Variants in MECOM observed in about 807,000 individuals in gnomAD.
The protein encoded by MECOM is MDS1 and EVI1 complex locus.
Under a neutral mutation model 116.3 loss-of-function variants are expected in MECOM, and 13 were observed. The observed-to-expected ratio is 0.11, with a 90% CI of 0.07 to 0.18. MECOM has a LOEUF of 0.18. MECOM is among the 10% of genes least tolerant of loss of function. The pLI is 1.00. For missense variants in MECOM, 1,299 were observed against 1,509.0 expected, an observed-to-expected ratio of 0.86 and a Z score of 2.31; for synonymous variants, 528 against 535.2, an observed-to-expected ratio of 0.99 and a Z score of 0.19.
intron 1 of MECOM, among the ~76,000 whole-genome samples, chr3:169,435,163 A>G (rs1046824380): frequency 1.2e-4 from 18 of 152,248 alleles, no homozygotes; most frequent in Admixed American, 1.3e-4. Context: ...TTCTATATCT[A>G]GAAAAAATAC....
At chr3:169,522,625 T>C (rs529032491) in intron 1 of MECOM, among the ~76,000 whole-genome samples, 8 of 152,336 alleles carry the variant, frequency 5.3e-5, no homozygotes, top group Admixed American at 4.6e-4. Context: ...TCCAGGTATA[T>C]TAGTCCTGGG....
chr3:169,247,740 TC>T (rs1298432821), intron 2 of MECOM, among the ~76,000 whole-genome samples: 3 of 152,248 alleles, frequency 2.0e-5, no homozygotes, highest in African/African-American at 7.2e-5. Context: ...TACATGCTTA[TC>T]CCACAATCCC....
intron 1 of MECOM, among the ~76,000 whole-genome samples, chr3:169,425,659 A>T (rs1386996128): frequency 6.6e-6 from 1 of 152,202 alleles, no homozygotes; most frequent in Non-Finnish European, 1.5e-5. Context: ...TTGGTCAAAC[A>T]GTAAGCGATA....
At chr3:169,475,086 G>A (rs1250231134) in intron 1 of MECOM, among the ~76,000 whole-genome samples, 3 of 149,090 alleles carry the variant, frequency 2.0e-5, no homozygotes, top group East Asian at 2.0e-4. Context: ...AACACAGCAC[G>A]TAAACAATCA....
intron 2 of MECOM, among the ~76,000 whole-genome samples, chr3:169,298,504 C>A (rs1290232149): frequency 1.3e-5 from 2 of 151,502 alleles, no homozygotes; most frequent in African/African-American, 4.9e-5. Flanking sequence ...ATACATATCT[C>A]CTTATACTAT....
At chr3:169,607,028 G>A (rs987435537) in intron 1 of MECOM, among the ~76,000 whole-genome samples, 1 of 152,180 alleles carries the variant, frequency 6.6e-6, no homozygotes, top group African/African-American at 2.4e-5. Context: ...GAGAAAATTT[G>A]GAGTCTCCGC....
intron 2 of MECOM, chr3:169,147,531 C>T (rs113303840): frequency 8.1e-6 from 8 of 985,292 alleles, no homozygotes; most frequent in African/African-American, 3.5e-5. Flanking sequence ...CCTCCTCTGG[C>T]GGGAGAGGTC....
At chr3:169,089,394 A>C (rs571971244) in intron 15 of MECOM, among the ~76,000 whole-genome samples, 1 of 152,282 alleles carries the variant, frequency 6.6e-6, no homozygotes, top group South Asian at 2.1e-4. Flanking sequence ...AACTAAAGCC[A>C]AGCATATATT....
intron 1 of MECOM, among the ~76,000 whole-genome samples, chr3:169,660,925 G>A (rs564337653): frequency 6.6e-6 from 1 of 152,312 alleles, no homozygotes; most frequent in East Asian, 1.9e-4. Flanking sequence ...GGGAATCTGA[G>A]GCTCAGTAAA....
chr3:169,389,553 C>A, intron 1 of MECOM: 1 of 985,400 alleles, frequency 1.0e-6, no homozygotes, highest in Non-Finnish European at 1.2e-6. Flanking sequence ...TTTTAGCAAC[C>A]TCTGATGGAC....
In MECOM at chr3:169,328,882, T is replaced by C. The variant is rs117993384; in HGVS notation, c.375+52305A>G. 5.9e-4 allele frequency among the ~76,000 whole-genome samples: 90 copies of C among 152,310 alleles called. No homozygotes were observed. In the East Asian group the frequency reaches 0.014, roughly 25 times the overall value. On this transcript the variant is annotated intron_variant, in intron 2 of 16. Transcript: ENST00000651503. ...CTAAAATATTTCATGGAATACATTA[T>C]CTAACCATGTTAATATAAAACACGA...
intron 1 of MECOM, among the ~76,000 whole-genome samples, chr3:169,466,848 C>G (rs550265169): frequency 6.6e-6 from 1 of 152,134 alleles, no homozygotes; most frequent in Non-Finnish European, 1.5e-5. Flanking sequence ...CCTAATTATT[C>G]AATTAGCCTC....
rs1728980633 is a variant in MECOM at position 169,115,791 on chromosome 3, A to G, written c.2081T>C (p.Met694Thr). ...TGCTGGAAAAAATGGGAGGGGAAAC[A>G]TGGAAGGGTAAGGTAAAGCTCCAAC... ...KKVGALPYPS[M>T]FPLPFFPAFS... The change falls in exon 8 of 17, where the codon ATG becomes ACG. Residue 694 changes from methionine to threonine, a missense_variant. Transcript: ENST00000651503. 6.2e-7 allele frequency: 1 copy of G among 1,614,030 alleles called. No individual in the cohort carries two copies. Among genetic ancestry groups the G allele is most frequent in the Admixed American group, 1.7e-5 (1 of 59,994 alleles).
chr3:169,397,857 C>A (rs532667357), intron 1 of MECOM, among the ~76,000 whole-genome samples: 3 of 152,272 alleles, frequency 2.0e-5, no homozygotes, highest in African/African-American at 7.2e-5. Context: ...CCAGGTCATG[C>A]CTCTAGACAT....
chr3:169,625,621 C>G (rs1771273313), intron 1 of MECOM, among the ~76,000 whole-genome samples: 1 of 152,190 alleles, frequency 6.6e-6, no homozygotes, highest in Non-Finnish European at 1.5e-5. Context: ...CCATTATCAT[C>G]TTTCATCTGA....
chr3:169,291,619 T>C (rs537124974), intron 2 of MECOM, among the ~76,000 whole-genome samples: 1 of 152,264 alleles, frequency 6.6e-6, no homozygotes, highest in South Asian at 2.1e-4. Context: ...TTTCTAAAAC[T>C]AAAAGACAAG....
intron 1 of MECOM, among the ~76,000 whole-genome samples, chr3:169,604,043 T>C (rs1419885165): frequency 2.0e-5 from 3 of 152,188 alleles, no homozygotes; most frequent in South Asian, 2.1e-4. Context: ...GTTTGTGTAA[T>C]TGCCTTTTTC....
intron 2 of MECOM, among the ~76,000 whole-genome samples, chr3:169,337,478 T>G (rs1429260065): frequency 6.6e-6 from 1 of 152,168 alleles, no homozygotes; most frequent in Non-Finnish European, 1.5e-5. Flanking sequence ...CTCCATCTTT[T>G]TAACTCAAAA....
intron 2 of MECOM, among the ~76,000 whole-genome samples, chr3:169,320,325 G>A (rs1476851809): frequency 6.6e-6 from 1 of 152,188 alleles, no homozygotes; most frequent in East Asian, 1.9e-4. Context: ...AATAAACTGG[G>A]ACTGTCTGAG....
Sources: gnomAD v4.1 joint callset for allele counts (sites outside exome capture counted in the v4.1 genomes callset) on GRCh38, gnomAD v4.1.1 for gene constraint, MANE v1.5 for transcripts, NCBI Gene and HGNC (gene_info 2026-07-23, HGNC 2026-07-21) for gene names.